Variants in HSPA14 observed in about 807,000 individuals in gnomAD.
HSPA14 encodes heat shock protein family A (Hsp70) member 14.
In HSPA14, 37 loss-of-function variants were observed where a neutral mutation model predicts 65.5. That is an observed-to-expected ratio of 0.56 (90% CI 0.43 to 0.74). HSPA14 has a LOEUF of 0.74. HSPA14 is among the 30% of genes least tolerant of loss of function. HSPA14 has a pLI of 0.00. For missense variants in HSPA14, 564 were observed against 607.6 expected, an observed-to-expected ratio of 0.93 and a Z score of 0.75; for synonymous variants, 203 against 214.2, an observed-to-expected ratio of 0.95 and a Z score of 0.46.
intron 3 of HSPA14, chr10:14,843,619 CGAA>C: frequency 6.4e-7 from 1 of 1,550,426 alleles, no homozygotes; most frequent in Non-Finnish European, 8.7e-7. Flanking sequence ...GTGGGCAAGG[CGAA>C]GAAGGCGGTC....
rs1833956102 is a variant in HSPA14, at chr10:14,840,237, G to C, written c.221+80G>C. ...CTAAGCATAATGTGAAAAGAAATTA[G>C]AAACAGCATAGTTTGTTTCTTCATT... is the stretch of plus-strand genomic sequence containing the variant. On this transcript the variant is annotated intron_variant, in intron 3 of 13. Transcript: ENST00000378372. 4.4e-6 allele frequency: 3 copies of C among 674,316 alleles called. No individual in the cohort carries two copies. The African/African-American group carries it at 5.6e-5, about 13-fold the overall frequency. 41.8% of individuals were successfully genotyped at this position (674,316 alleles called of 1,614,324 possible).
At chr10:14,845,991 T>C (rs937705674) in intron 3 of HSPA14, 1 of 933,460 alleles carries the variant, frequency 1.1e-6, no homozygotes, top group Admixed American at 6.2e-5. Context: ...GAAATTTTAA[T>C]TGTAATATTT....
intron 6 of HSPA14, among the ~76,000 whole-genome samples, chr10:14,850,033 C>CG (rs1161216521): frequency 6.6e-6 from 1 of 151,782 alleles, no homozygotes; most frequent in Non-Finnish European, 1.5e-5. Context: ...GGGACACTGA[C>CG]GGGGGGGCGG....
intron 3 of HSPA14, chr10:14,841,287 A>G (rs1163470937): frequency 6.6e-6 from 1 of 152,240 alleles, no homozygotes; most frequent in Non-Finnish European, 1.5e-5. Context: ...CATATTAAAT[A>G]TAAGTTGGTG....
chr10:14,839,059 C>A (rs901566338), intron 1 of HSPA14, among the ~76,000 whole-genome samples: 1 of 152,180 alleles, frequency 6.6e-6, no homozygotes, highest in African/African-American at 2.4e-5. Context: ...GGCTGATGGT[C>A]CCGCAAAGCT....
chr10:14,866,425 T>C (rs946240014), intron 10 of HSPA14, among the ~76,000 whole-genome samples: 1 of 152,178 alleles, frequency 6.6e-6, no homozygotes, highest in Admixed American at 6.5e-5. Flanking sequence ...TTTCCCTTCT[T>C]AGGTTATATA....
At chr10:14,870,380 T>G (rs1246425190) in intron 12 of HSPA14, among the ~76,000 whole-genome samples, 1 of 152,202 alleles carries the variant, frequency 6.6e-6, no homozygotes, top group Non-Finnish European at 1.5e-5. Flanking sequence ...GCATTAGTTA[T>G]CTTATATGCC....
intron 12 of HSPA14, among the ~76,000 whole-genome samples, chr10:14,868,721 C>T (rs1458338222): frequency 6.6e-6 from 1 of 152,080 alleles, no homozygotes. Context: ...TTTGAAGGTA[C>T]CAAGAGGGGT....
At chr10:14,844,425 A>G (rs765503887) in intron 3 of HSPA14, 1 of 994,656 alleles carries the variant, frequency 1.0e-6, no homozygotes, top group African/African-American at 1.7e-5. Context: ...TTGCTGGTCT[A>G]ACTTGACTGC....
Position 14,849,288 on chromosome 10 carries a change from C to T in HSPA14, c.376+393C>T, listed in dbSNP as rs118114103. ...GGCTCTGAGCTGAGTGGTATTCTGT[C>T]GAACAATTTGGGAAATTCTGGAATA... On this transcript the variant is annotated intron_variant, in intron 5 of 13. Transcript: ENST00000378372. 4.0e-3 allele frequency: 1,650 copies of T among 410,662 alleles called. 10 individuals carry two copies. Among genetic ancestry groups the T allele is most frequent in the South Asian group, 6.6e-3 (360 of 54,772 alleles). The allele number at this position is 410,662 out of a possible 1,614,324, so 25.4% of individuals were successfully genotyped here.
At chr10:14,869,232 CGTGTGTGTGTGT>C (rs68155495) in intron 12 of HSPA14, among the ~76,000 whole-genome samples, 89 of 144,822 alleles carry the variant, frequency 6.1e-4, no homozygotes, top group African/African-American at 2.0e-3. Context: ...TGTACGTGTA[CGTGTGTGTGTGT>C]GTGTGTGTGT....
chr10:14,845,675 C>T (rs1834040801), intron 3 of HSPA14: 1 of 298,550 alleles, frequency 3.3e-6, no homozygotes, highest in Non-Finnish European at 4.9e-6. Context: ...CTCACTGCAA[C>T]CTCAGCCTCC....
chr10:14,843,252 T>G, intron 3 of HSPA14: 1 of 1,268,270 alleles, frequency 7.9e-7, no homozygotes, highest in Non-Finnish European at 1.1e-6. Flanking sequence ...CAGTCCCTGG[T>G]GGAAAGAGGC....
chr10:14,850,041 C>T (rs1053668239), intron 6 of HSPA14, among the ~76,000 whole-genome samples: 3 of 151,852 alleles, frequency 2.0e-5, no homozygotes, highest in South Asian at 2.1e-4. Context: ...GACGGGGGGG[C>T]GGCGGGTGGA....
chr10:14,854,309 A>G (rs767496076), intron 9 of HSPA14, 29 bp downstream of exon 9: 1 of 1,539,530 alleles, frequency 6.5e-7, no homozygotes, highest in Admixed American at 2.1e-5. Flanking sequence ...AAACTTTTTT[A>G]AAAAATTCCA....
At position 14,862,339 on chromosome 10, in the gene HSPA14, G is replaced by C. The variant is rs143823893; in HGVS notation, c.994-4744G>C. ...CACAGCACCCAGCCCCAAGAAAATA[G>C]ATTTTATCATATTGAGAAAGCTCTT... On this transcript the variant is annotated intron_variant, in intron 10 of 13. Coordinates refer to ENST00000378372, the MANE Select transcript of HSPA14 (RefSeq NM_016299.4). Among the ~76,000 whole-genome samples, 809 of 147,880 alleles carry C rather than the reference G, an allele frequency of 5.5e-3. 4 individuals carry two copies. Among genetic ancestry groups the C allele is most frequent in the Middle Eastern group, 0.027 (7 of 256 alleles).
intron 1 of HSPA14, among the ~76,000 whole-genome samples, chr10:14,839,342 G>C (rs949741951): frequency 6.6e-6 from 1 of 152,246 alleles, no homozygotes; most frequent in African/African-American, 2.4e-5. Flanking sequence ...GGGAAGCCGA[G>C]GCAGGCGGAT....
intron 3 of HSPA14, chr10:14,845,445 A>C: frequency 1.0e-6 from 1 of 985,326 alleles, no homozygotes; most frequent in East Asian, 1.1e-4. Flanking sequence ...AACCATGAGT[A>C]GACGGCAAGC....
chr10:14,867,012 C>G lies in HSPA14; in HGVS notation c.994-71C>G, dbSNP rs187521838. On this transcript the variant is annotated intron_variant, in intron 10 of 13. Coordinates refer to ENST00000378372, the MANE Select transcript of HSPA14 (RefSeq NM_016299.4). ...TTACATACGATGAAGATGACTCAGT[C>G]TATTACACTTAATTTTGAGACACAG... 46 of 1,090,254 alleles carry G rather than the reference C, an allele frequency of 4.2e-5. No individual in the cohort carries two copies. In the African/African-American group the frequency reaches 6.8e-4, roughly 16 times the overall value. 67.5% of individuals were successfully genotyped at this position (1,090,254 alleles called of 1,614,324 possible).
Sources: gnomAD v4.1 joint callset for allele counts (sites outside exome capture counted in the v4.1 genomes callset) on GRCh38, gnomAD v4.1.1 for gene constraint, MANE v1.5 for transcripts, NCBI Gene and HGNC (gene_info 2026-07-23, HGNC 2026-07-21) for gene names.